Variants in REV3L observed in about 807,000 individuals in gnomAD.
The protein encoded by REV3L is DNA polymerase zeta catalytic subunit.
In REV3L, 69 loss-of-function variants were observed where a neutral mutation model predicts 299.4. The ratio of observed to expected loss-of-function variants is 0.23; its 90% CI spans 0.19 to 0.28. The LOEUF is 0.28. Ranked by LOEUF, REV3L falls within the 10% of genes least tolerant of loss-of-function variation. The pLI, the probability that REV3L is intolerant of heterozygous loss-of-function variation, is 1.00. For missense variants in REV3L, 3,128 were observed against 3,693.8 expected (o/e 0.85, Z 3.97); for synonymous variants, 1,238 against 1,271.4 (o/e 0.97, Z 0.56).
At chr6:111,399,369 C>G (rs1257910719) in intron 4 of REV3L, among the ~76,000 whole-genome samples, 1 of 152,150 alleles carries the variant, frequency 6.6e-6, no homozygotes, top group Non-Finnish European at 1.5e-5. Context: ...TGGTTTCCCT[C>G]ATTGTTATCA....
chr6:111,316,622 C>T (rs867487900), intron 26 of REV3L, among the ~76,000 whole-genome samples: 7 of 149,966 alleles, frequency 4.7e-5, no homozygotes, highest in Non-Finnish European at 7.4e-5. Flanking sequence ...GCTGAGATTG[C>T]GCCATTGCAC....
chr6:111,403,084 T>C (rs907764912), intron 4 of REV3L, among the ~76,000 whole-genome samples: 1 of 152,194 alleles, frequency 6.6e-6, no homozygotes, highest in Non-Finnish European at 1.5e-5. Flanking sequence ...GAAGTACTGA[T>C]ATAAGCTACA....
intron 10 of REV3L, among the ~76,000 whole-genome samples, chr6:111,380,681 C>G (rs1310894741): frequency 6.6e-6 from 1 of 152,228 alleles, no homozygotes; most frequent in Non-Finnish European, 1.5e-5. Flanking sequence ...GCTCTCCTAT[C>G]AAAGTTGATC....
chr6:111,462,890 G>A (rs1583080897), intron 1 of REV3L, among the ~76,000 whole-genome samples: 1 of 152,122 alleles, frequency 6.6e-6, no homozygotes, highest in African/African-American at 2.4e-5. Context: ...ACTAGACACC[G>A]AGACTCACAT....
intron 2 of REV3L, among the ~76,000 whole-genome samples, chr6:111,414,509 A>C (rs982549402): frequency 1.3e-5 from 2 of 152,138 alleles, no homozygotes; most frequent in Admixed American, 6.6e-5. Context: ...AATGATTTTA[A>C]ATTTACAGTA....
At chr6:111,412,364 T>C (rs985376978) in intron 2 of REV3L, 18 of 539,002 alleles carry the variant, frequency 3.3e-5, no homozygotes, top group Non-Finnish European at 4.0e-5. Context: ...CAAGATGAAA[T>C]AAGCTGAACT....
intron 31 of REV3L, among the ~76,000 whole-genome samples, chr6:111,303,178 T>TTTTTTTTTTTTAGA: frequency 7.1e-6 from 1 of 140,162 alleles, no homozygotes; most frequent in African/African-American, 2.6e-5. Context: ...TTTTTTTTTT[T>TTTTTTTTTTTTAGA]TTTTGAGATG....
At chr6:111,387,954 C>T (rs376034143) in intron 8 of REV3L, 41 bp from the exon 9 acceptor site, 1 of 1,607,136 alleles carries the variant, frequency 6.2e-7, no homozygotes, top group East Asian at 2.2e-5. Flanking sequence ...GACTACATAA[C>T]AAAGGAATAA....
At chr6:111,314,330 C>T (rs1344199025) in intron 27 of REV3L, among the ~76,000 whole-genome samples, 1 of 152,174 alleles carries the variant, frequency 6.6e-6, no homozygotes, top group Non-Finnish European at 1.5e-5. Context: ...GGTCTAAGTT[C>T]ACTCCCTTTA....
intron 1 of REV3L, among the ~76,000 whole-genome samples, chr6:111,476,309 C>G (rs938717136): frequency 6.6e-6 from 1 of 152,144 alleles, no homozygotes; most frequent in Non-Finnish European, 1.5e-5. Flanking sequence ...ACGTGTACCA[C>G]CCTGCCTGGC....
chr6:111,376,183 A>G lies in REV3L; in HGVS notation c.2172T>C (p.Asn724=), dbSNP rs1396873016. 42 of 1,611,692 alleles carry G rather than the reference A, an allele frequency of 2.6e-5. No homozygotes were observed. Among genetic ancestry groups the G allele is most frequent in the Non-Finnish European group, 3.1e-5 (36 of 1,179,632 alleles). ...TCAGAGCTGTGCTGTTTCCTTTTTC[A>G]TTTCCTTCAGAGGATACTTTATTTT... ...HSKNKVSSEG[N]EKGNSTALSS... is the part of the protein sequence containing the mutation. Residue 724 remains asparagine, a synonymous_variant, in exon 13 of 32, where the codon AAT becomes AAC. Transcript: ENST00000368802.
intron 4 of REV3L, among the ~76,000 whole-genome samples, chr6:111,401,423 G>C: frequency 6.6e-6 from 1 of 152,084 alleles, no homozygotes; most frequent in East Asian, 1.9e-4. Context: ...TAAGGACCAA[G>C]GGCAAGTTAT....
chr6:111,441,786 AGT>A (rs1190491848), intron 1 of REV3L, among the ~76,000 whole-genome samples: 1 of 152,076 alleles, frequency 6.6e-6, no homozygotes, highest in Non-Finnish European at 1.5e-5. Context: ...CTCTTTACAT[AGT>A]GTGAGTCTAA....
chr6:111,387,130 C>T (rs1781427964), intron 9 of REV3L, among the ~76,000 whole-genome samples: 1 of 152,146 alleles, frequency 6.6e-6, no homozygotes. Flanking sequence ...GATACTACAA[C>T]ATGTATAAAA....
intron 1 of REV3L, among the ~76,000 whole-genome samples, chr6:111,482,348 C>G (rs914315143): frequency 6.6e-6 from 1 of 152,182 alleles, no homozygotes; most frequent in East Asian, 1.9e-4. Flanking sequence ...AGGGATGTCC[C>G]ACTAGCGACC....
At chr6:111,321,283 G>A (rs894300234) in intron 26 of REV3L, among the ~76,000 whole-genome samples, 1 of 152,096 alleles carries the variant, frequency 6.6e-6, no homozygotes, top group African/African-American at 2.4e-5. Flanking sequence ...TTTGTAGCTT[G>A]ACTTCTTACA....
At chr6:111,339,872 T>C (rs1486284324) in intron 21 of REV3L, among the ~76,000 whole-genome samples, 4 of 152,144 alleles carry the variant, frequency 2.6e-5, no homozygotes, top group Admixed American at 1.3e-4. Flanking sequence ...AAGGAGAAGA[T>C]TGACTTTTGT....
chr6:111,392,198 C>G (rs1782003452), intron 5 of REV3L, among the ~76,000 whole-genome samples: 1 of 152,150 alleles, frequency 6.6e-6, no homozygotes, highest in Admixed American at 6.5e-5. Flanking sequence ...AAAATATAAT[C>G]TCACAGTAGA....
chr6:111,436,764 T>C (rs897978662), intron 1 of REV3L, among the ~76,000 whole-genome samples: 2 of 152,186 alleles, frequency 1.3e-5, no homozygotes, highest in African/African-American at 4.8e-5. Flanking sequence ...TATTTCAAAA[T>C]AGCTAGAAGA....
Sources: allele counts gnomAD v4.1 joint callset (sites outside exome capture counted in the v4.1 genomes callset), GRCh38; gene constraint gnomAD v4.1.1; transcripts MANE v1.5; gene names NCBI Gene and HGNC (gene_info 2026-07-23, HGNC 2026-07-21).